MAGI2: variants seen among roughly 807,000 people sequenced by gnomAD.
MAGI2 encodes the protein membrane associated guanylate kinase, WW and PDZ domain containing 2.
In MAGI2, 35 loss-of-function variants were observed where a neutral mutation model predicts 133.3. The ratio of observed to expected loss-of-function variants is 0.26; its 90% confidence interval spans 0.20 to 0.35. The LOEUF is 0.35. MAGI2 is among the 10% of genes least tolerant of loss of function. The pLI, the probability that MAGI2 is intolerant of heterozygous loss-of-function variation, is 1.00. For synonymous variants in MAGI2, 729 were observed against 710.6 expected (o/e 1.03, Z -0.41); for missense variants, 1,636 against 1,863.4 (o/e 0.88, Z 2.25).
chr7:79,015,500 A>G (rs80036344), intron 1 of MAGI2, among the ~76,000 whole-genome samples: 13,682 of 152,248 alleles, frequency 0.09, 727 homozygotes, highest in African/African-American at 0.15. Context: ...ATTGCATTTT[A>G]CAATGGAAAC....
At chr7:78,824,505 A>G (rs943217865) in intron 2 of MAGI2, among the ~76,000 whole-genome samples, 2 of 152,048 alleles carry the variant, frequency 1.3e-5, no homozygotes, top group Non-Finnish European at 2.9e-5. Context: ...TGTGGTTTTG[A>G]TTTGCATTTC....
chr7:79,423,679 T>A (rs1383318535), intron 1 of MAGI2, among the ~76,000 whole-genome samples: 5 of 152,128 alleles, frequency 3.3e-5, no homozygotes, highest in Admixed American at 6.6e-5. Context: ...AGATATCTGA[T>A]GTTTGAAGAT....
chr7:78,259,523 G>A (rs1005628624), intron 9 of MAGI2, among the ~76,000 whole-genome samples: 6 of 152,188 alleles, frequency 3.9e-5, no homozygotes, highest in Admixed American at 3.9e-4. Flanking sequence ...TGCTATTTCA[G>A]TAATTACTCT....
At chr7:79,195,246 A>T (rs1827981375) in intron 1 of MAGI2, among the ~76,000 whole-genome samples, 1 of 151,992 alleles carries the variant, frequency 6.6e-6, no homozygotes, top group Non-Finnish European at 1.5e-5. Context: ...ATGTGGTGTT[A>T]ATGAAAGCAC....
intron 2 of MAGI2, among the ~76,000 whole-genome samples, chr7:78,666,933 G>A (rs192604709): frequency 1.5e-4 from 23 of 152,202 alleles, no homozygotes; most frequent in African/African-American, 1.9e-4. Flanking sequence ...TATGAAATGT[G>A]ATCAGTAAGA....
chr7:78,029,449 A>C (rs1809324917), intron 21 of MAGI2, among the ~76,000 whole-genome samples: 1 of 152,252 alleles, frequency 6.6e-6, no homozygotes, highest in Non-Finnish European at 1.5e-5. Flanking sequence ...AGTGGTTTTC[A>C]GACCTGTTTA....
intron 1 of MAGI2, among the ~76,000 whole-genome samples, chr7:79,209,724 A>T (rs1024651969): frequency 6.6e-6 from 1 of 152,082 alleles, no homozygotes; most frequent in African/African-American, 2.4e-5. Context: ...ACACAACTCC[A>T]CATAATTCAT....
chr7:78,019,893 G>A lies in MAGI2; in HGVS notation c.3790C>T (p.Pro1264Ser), dbSNP rs1477500600. ...GGGGCTGGATGTGATGGAGAGAATG[G>A]AGCGAGGCCGTCGTCCAGGGAGACG... is the stretch of plus-strand genomic sequence containing the variant. ...VGVSLDDGLA[P>S]FSPSHPAPPS... The change falls in exon 22 of 22, where the codon CCA becomes TCA. Residue 1264 changes from proline to serine, a missense_variant. This residue lies in a region of MAGI2 where 354 missense variants were observed against 298.7 expected (regional missense o/e 1.19). Coordinates refer to ENST00000354212, the MANE Select transcript of MAGI2 (RefSeq NM_012301.4). The A allele has an allele frequency of 8.7e-6, 14 of 1,611,578 alleles. No homozygotes were observed. Among genetic ancestry groups the A allele is most frequent in the African/African-American group, 1.3e-5 (1 of 74,856 alleles).
chr7:78,324,442 T>C (rs1788372169), intron 9 of MAGI2, among the ~76,000 whole-genome samples: 1 of 152,220 alleles, frequency 6.6e-6, no homozygotes, highest in Admixed American at 6.5e-5. Context: ...CCCAGGCTTA[T>C]TGCACACTGC....
chr7:78,996,992 T>TA, intron 2 of MAGI2, among the ~76,000 whole-genome samples: 1 of 152,158 alleles, frequency 6.6e-6, no homozygotes, highest in Non-Finnish European at 1.5e-5. Context: ...AAGATGAGTT[T>TA]AAAAAATGAC....
chr7:78,506,236 G>A (rs989902536), intron 4 of MAGI2, among the ~76,000 whole-genome samples: 3 of 152,144 alleles, frequency 2.0e-5, no homozygotes, highest in African/African-American at 7.2e-5. Flanking sequence ...ACCTGCCATG[G>A]TGGGTGGCAA....
rs200811954 is a variant in MAGI2, at chr7:79,213,274, GTA to G, written c.302-206070_302-206069del. On this transcript the variant is annotated intron_variant, in intron 1 of 21. Coordinates refer to ENST00000354212, the MANE Select transcript of MAGI2 (RefSeq NM_012301.4). ...GGTGTGTATATATATATGTGGGTGT[GTA>G]TATATATATGTGGGTGTACGTGTGT... 4.8e-4 allele frequency among the ~76,000 whole-genome samples: 71 copies of G among 146,576 alleles called. 1 individual carries two copies. The East Asian group carries it at 0.011, about 22-fold the overall frequency.
chr7:79,221,503 T>C lies in MAGI2; in HGVS notation c.302-214297A>G, dbSNP rs17152071. On this transcript the variant is annotated intron_variant, in intron 1 of 21. Transcript: ENST00000354212. ...GCTGTCATTTTATATCAAAGGCAAC[T>C]TGAGGTGGGAACTAAATGACTTACT... Among the ~76,000 whole-genome samples, 198 of 152,090 alleles carry C rather than the reference T, an allele frequency of 1.3e-3. 4 individuals carry two copies. In the East Asian group the frequency reaches 0.032, roughly 24 times the overall value.
intron 1 of MAGI2, among the ~76,000 whole-genome samples, chr7:79,194,805 A>T (rs1045208503): frequency 6.6e-6 from 1 of 151,824 alleles, no homozygotes; most frequent in African/African-American, 2.4e-5. Flanking sequence ...GAAAAAAAAA[A>T]TGCCGCACAC....
intron 21 of MAGI2, among the ~76,000 whole-genome samples, chr7:78,062,637 C>T (rs914914437): frequency 6.6e-6 from 1 of 151,832 alleles, no homozygotes; most frequent in Non-Finnish European, 1.5e-5. Context: ...TGTCATCTGG[C>T]GCTCCTCTCT....
At chr7:78,063,037 T>G (rs1272316952) in intron 21 of MAGI2, among the ~76,000 whole-genome samples, 1 of 152,226 alleles carries the variant, frequency 6.6e-6, no homozygotes, top group East Asian at 1.9e-4. Flanking sequence ...ACCACTTTCT[T>G]AATTCCAGCC....
chr7:78,425,280 C>T (rs1453896865), intron 6 of MAGI2, among the ~76,000 whole-genome samples: 3 of 152,172 alleles, frequency 2.0e-5, no homozygotes, highest in African/African-American at 7.2e-5. Flanking sequence ...ATATGACTTG[C>T]TCCTTCTTGC....
chr7:79,082,924 T>C (rs1407713320), intron 1 of MAGI2, among the ~76,000 whole-genome samples: 1 of 151,900 alleles, frequency 6.6e-6, no homozygotes, highest in Non-Finnish European at 1.5e-5. Flanking sequence ...TTAAATTTAC[T>C]CAAGTATTTT....
chr7:78,995,485 G>A (rs1385429386), intron 2 of MAGI2, among the ~76,000 whole-genome samples: 1 of 152,056 alleles, frequency 6.6e-6, no homozygotes, highest in Non-Finnish European at 1.5e-5. Flanking sequence ...CAATCAAGAG[G>A]TTCATGTTAA....
Sources: allele counts gnomAD v4.1 joint callset (sites outside exome capture counted in the v4.1 genomes callset), GRCh38; gene constraint gnomAD v4.1.1; regional missense constraint gnomAD v4.1.1; transcripts MANE v1.5; gene names NCBI Gene and HGNC (gene_info 2026-07-23, HGNC 2026-07-21).